The following FAM8A1 variants were observed in gnomAD, a reference collection of about 807,000 sequenced individuals.
FAM8A1 encodes family with sequence similarity 8 member A1.
A neutral mutation model predicts 38.3 loss-of-function variants in FAM8A1; 18 were observed. The ratio of observed to expected loss-of-function variants is 0.47; its 90% confidence interval spans 0.33 to 0.70. FAM8A1 has a LOEUF of 0.70. Among genes scored for constraint, FAM8A1 ranks in the 30% least tolerant of loss-of-function variants. The pLI, the probability that FAM8A1 is intolerant of heterozygous loss-of-function variation, is 0.03. For synonymous variants in FAM8A1, 246 were observed against 234.4 expected (o/e 1.05, Z -0.45); for missense variants, 559 against 559.6 (o/e 1.00, Z 0.01).
intron 4 of FAM8A1, among the ~76,000 whole-genome samples, chr6:17,607,075 A>T (rs924574078): frequency 2.0e-5 from 3 of 152,050 alleles, no homozygotes; most frequent in Non-Finnish European, 4.4e-5. Flanking sequence ...CCTGGCTAAC[A>T]TGGTGAAACC....
At position 17,608,371 on chromosome 6, in the gene FAM8A1, A is replaced by G. The variant is rs764720108; in HGVS notation, c.*32A>G. 6.5e-7 allele frequency: 1 copy of G among 1,537,722 alleles called. No individual in the cohort carries two copies. The highest frequency in any genetic ancestry group is 1.2e-5 in the South Asian group (1 of 86,162). On this transcript the variant is annotated 3_prime_UTR_variant, in exon 5 of 5. Coordinates refer to ENST00000259963, the MANE Select transcript of FAM8A1 (RefSeq NM_016255.3). ...CCAAAACCCTGATTTCCACACACTA[A>G]GACTAAATTATGTATCAAGGCCATC...
chr6:17,600,522 G>GC lies in FAM8A1; in HGVS notation c.118dup (p.Arg40ProfsTer147). The GC allele has an allele frequency of 6.5e-7, 1 of 1,534,282 alleles. No homozygotes were observed. Among genetic ancestry groups the GC allele is most frequent in the Non-Finnish European group, 8.7e-7 (1 of 1,145,020 alleles). ...GGCCCTCCTACCACCGCCGTCCCAT[G>GC]CCCCCGCGACGACCCCCAGGCCGAA... On this transcript the variant is annotated frameshift_variant, in exon 1 of 5. Coordinates refer to ENST00000259963, the MANE Select transcript of FAM8A1 (RefSeq NM_016255.3). LOFTEE classifies it high-confidence loss of function.
In FAM8A1 at chr6:17,600,581, C is replaced by T; in HGVS notation, c.172C>T (p.Leu58Phe). The part of the protein sequence containing the change: ...QAPGRPTAPG[L>F]AAAAAADKLE... ...CCCGGGCCGGCCCACAGCCCCGGGC[C>T]TCGCGGCTGCCGCCGCAGCCGACAA... The change falls in exon 1 of 5, where the codon CTC (leucine) becomes TTC (phenylalanine). Residue 58 changes from leucine to phenylalanine, a missense_variant. Coordinates refer to ENST00000259963, the MANE Select transcript of FAM8A1 (RefSeq NM_016255.3). 6.7e-7 allele frequency: 1 copy of T among 1,492,862 alleles called. No individual in the cohort carries two copies. Among genetic ancestry groups the T allele is most frequent in the South Asian group, 1.3e-5 (1 of 77,834 alleles). The allele number at this position is 1,492,862 out of a possible 1,614,324, so 92.5% of individuals were successfully genotyped here. A position where few individuals can be genotyped will look rare whatever the true frequency, so the allele number is the denominator to read the frequency against.
chr6:17,604,674 C>T (rs1054103830), intron 2 of FAM8A1, among the ~76,000 whole-genome samples: 3 of 151,956 alleles, frequency 2.0e-5, no homozygotes, highest in African/African-American at 4.8e-5. Flanking sequence ...AAGCAGGGAC[C>T]GTGTAAATTC....
In FAM8A1 at chr6:17,601,045, G is replaced by C; in HGVS notation, c.636G>C (p.Ser212=). The C allele has an allele frequency of 6.3e-7, 1 of 1,593,968 alleles. No homozygotes were observed. Among genetic ancestry groups the C allele is most frequent in the South Asian group, 1.1e-5 (1 of 88,272 alleles). ...CCCGGGCTCCTCACGTGCAGGCGTC[G>C]GTCCGGGCCACTCCAGTGACGAGGG... ...LGPRAPHVQA[S]VRATPVTRVG... The change falls in exon 1 of 5, where the codon TCG becomes TCC. Residue 212 remains serine (S), a synonymous_variant. Transcript: ENST00000259963.
intron 4 of FAM8A1, among the ~76,000 whole-genome samples, chr6:17,607,031 T>C (rs1452297455): frequency 6.6e-6 from 1 of 151,960 alleles, no homozygotes; most frequent in African/African-American, 2.4e-5. Context: ...GAGGCTGAGG[T>C]GGGCAGATCA....
chr6:17,600,509 A>ATGCCC lies in FAM8A1; in HGVS notation c.100_101insTGCCC (p.Thr34MetfsTer77). The ATGCCC allele has an allele frequency of 2.6e-6, 4 of 1,531,690 alleles. No individual in the cohort carries two copies. The highest frequency in any genetic ancestry group is 3.5e-6 in the Non-Finnish European group (4 of 1,143,756). The allele number at this position is 1,531,690 out of a possible 1,614,324, so 94.9% of individuals were successfully genotyped here. On this transcript the variant is annotated frameshift_variant, in exon 1 of 5. Transcript: ENST00000259963. LOFTEE classifies it high-confidence loss of function. Reference sequence around the variant, plus strand: ...CCCTTCCCTGAGAGGCCCTCCTACCACCGCCGTCCCATGCCCCCGCGACGA... The same window carrying ATGCCC: ...CCCTTCCCTGAGAGGCCCTCCTACCATGCCCCCGCCGTCCCATGCCCCCGCGACGA...
Position 17,600,784 on chromosome 6 carries a change from C to T in FAM8A1, c.375C>T (p.Tyr125=). ...TGCACGAGTGGCTGTGGCAGTCCTA[C>T]TGCGGCTACCTCACCTGGCACAGCG... ...RQVHEWLWQS[Y]CGYLTWHSGL... The change falls in exon 1 of 5, where the codon TAC becomes TAT. Residue 125 remains tyrosine, a synonymous_variant. Transcript: ENST00000259963. 3 of 1,611,250 alleles carry T rather than the reference C, an allele frequency of 1.9e-6. No individual in the cohort carries two copies. The highest frequency in any genetic ancestry group is 2.2e-5 in the East Asian group (1 of 44,870).
At chr6:17,605,800 TATG>T in intron 3 of FAM8A1, 71 bp from the exon 4 acceptor site, 1 of 1,353,204 alleles carries the variant, frequency 7.4e-7, no homozygotes, top group African/African-American at 1.5e-5. Flanking sequence ...CATGAAATAA[TATG>T]GTGGGAAAAG....
chr6:17,602,748 A>G (rs1581639997), intron 2 of FAM8A1, 38 bp downstream of exon 2: 7 of 1,585,412 alleles, frequency 4.4e-6, no homozygotes, highest in East Asian at 2.3e-5. Context: ...TTTAATTTCT[A>G]CTGTTTAATG....
In FAM8A1 at chr6:17,608,504, C is replaced by G; in HGVS notation, c.*165C>G. ...TTGATTATACTTGAATGCCAAAGAA[C>G]TTGTCCAGAAGAAAAACCTGTTAAA... is the stretch of plus-strand genomic sequence containing the variant. On this transcript the variant is annotated 3_prime_UTR_variant, in exon 5 of 5. Transcript: ENST00000259963. 1.7e-6 allele frequency: 1 copy of G among 586,496 alleles called. No individual in the cohort carries two copies. Among genetic ancestry groups the G allele is most frequent in the East Asian group, 3.9e-5 (1 of 25,626 alleles). 36.3% of individuals were successfully genotyped at this position (586,496 alleles called of 1,614,324 possible). A position where few individuals can be genotyped will look rare whatever the true frequency, so the allele number is the denominator to read the frequency against.
In FAM8A1 at chr6:17,600,731, C is replaced by T. The variant is rs769220653; in HGVS notation, c.322C>T (p.Leu108=). The T allele has an allele frequency of 2.5e-6, 4 of 1,609,548 alleles. No individual in the cohort carries two copies. The African/African-American group carries it at 5.3e-5, about 22-fold the overall frequency. Residue 108 remains leucine (L), a synonymous_variant, in exon 1 of 5, where the codon CTG becomes TTG. Transcript: ENST00000259963. The stretch of plus-strand genomic sequence containing the variant: ...GGCGCCACGAGAGAGACCAGCTCGG[C>T]TGAGCGCCCGCGAGTACTCCCGGCA... ...AAAPRERPAR[L]SAREYSRQVH...
chr6:17,602,313 AGACGT>A lies in FAM8A1; in HGVS notation c.713-274_713-270del, dbSNP rs1315045072. Among the ~76,000 whole-genome samples the A allele has an allele frequency of 3.3e-5, 5 of 152,232 alleles. No individual in the cohort carries two copies. The East Asian group carries it at 9.6e-4, about 29-fold the overall frequency. On this transcript the variant is annotated intron_variant, in intron 1 of 4. Coordinates refer to ENST00000259963, the MANE Select transcript of FAM8A1 (RefSeq NM_016255.3). ...CGGCCTCCTAAAGTGCTGGGATTAC[AGACGT>A]GAGTCACTGCACCTGGCCGTGTGAA...
Position 17,600,554 on chromosome 6 carries a change from G to A in FAM8A1, c.145G>A (p.Ala49Thr), listed in dbSNP as rs1483476324. The A allele has an allele frequency of 6.7e-7, 1 of 1,502,786 alleles. No individual in the cohort carries two copies. The highest frequency in any genetic ancestry group is 2.2e-5 in the Admixed American group (1 of 44,488). 93.1% of individuals were successfully genotyped at this position (1,502,786 alleles called of 1,614,324 possible). The change falls in exon 1 of 5, where the codon GCC (alanine) becomes ACC (threonine). Residue 49 changes from alanine (A) to threonine (T), a missense_variant. Coordinates refer to ENST00000259963, the MANE Select transcript of FAM8A1 (RefSeq NM_016255.3). The stretch of plus-strand genomic sequence containing the variant: ...CGACGACCCCCAGGCCGAACCCCAG[G>A]CCCCGGGCCGGCCCACAGCCCCGGG... ...PRDDPQAEPQAPGRPTAPGLA... is the reference protein window; with the variant it reads ...PRDDPQAEPQTPGRPTAPGLA...
chr6:17,602,790 C>T (rs547152905), intron 2 of FAM8A1, 80 bp downstream of exon 2: 31 of 1,400,320 alleles, frequency 2.2e-5, no homozygotes, highest in African/African-American at 1.3e-4. Context: ...TTTGTCTACA[C>T]GTGACTATAT....
At chr6:17,602,834 A>G (rs1764004805) in intron 2 of FAM8A1, 124 bp downstream of exon 2, 7 of 876,878 alleles carry the variant, frequency 8.0e-6, no homozygotes, top group Middle Eastern at 2.5e-4. Context: ...TGATTTCTTT[A>G]TAAGAGCTTT....
rs1356220045 is a variant in FAM8A1 at position 17,609,513 on chromosome 6, T to TAA, written c.*1176_*1177dup. ...GTCTTTAAGCTCATTTTGGGTCTGC[T>TAA]AAAGTTTGGGGGGAAATGTTACGCA... is the stretch of plus-strand genomic sequence containing the variant. On this transcript the variant is annotated 3_prime_UTR_variant, in exon 5 of 5. Coordinates refer to ENST00000259963, the MANE Select transcript of FAM8A1 (RefSeq NM_016255.3). 1.3e-5 allele frequency: 2 copies of TAA among 152,272 alleles called. No homozygotes were observed. Among genetic ancestry groups the TAA allele is most frequent in the East Asian group, 3.9e-4 (2 of 5,186 alleles). The allele number at this position is 152,272 out of a possible 1,614,324, so 9.4% of individuals were successfully genotyped here. A position where few individuals can be genotyped will look rare whatever the true frequency, so the allele number is the denominator to read the frequency against.
At chr6:17,605,086 C>T (rs986591190) in intron 3 of FAM8A1, 57 bp downstream of exon 3, 1 of 1,505,242 alleles carries the variant, frequency 6.6e-7, no homozygotes, top group Non-Finnish European at 9.0e-7. Context: ...TATGTTTTTA[C>T]ATTTATTTTT....
rs57483080 is a variant in FAM8A1, at chr6:17,602,580, T to A, written c.713-10T>A. Reference sequence around the variant, plus strand: ...GTTTTTCCTAACTTTTTTTTTTTTTTAATTTACAGGCAGAGAATATGTTAT... The same window carrying A: ...GTTTTTCCTAACTTTTTTTTTTTTTAAATTTACAGGCAGAGAATATGTTAT... On this transcript the variant is annotated splice_polypyrimidine_tract_variant and intron_variant, in intron 1 of 4. Transcript: ENST00000259963. 8.7e-4 allele frequency: 1,328 copies of A among 1,535,070 alleles called. 5 individuals carry two copies. In the African/African-American group the frequency reaches 0.018, roughly 20 times the overall value.
Sources: allele counts gnomAD v4.1 joint callset (sites outside exome capture counted in the v4.1 genomes callset), GRCh38; gene constraint gnomAD v4.1.1; transcripts MANE v1.5; gene names NCBI Gene and HGNC (gene_info 2026-07-23, HGNC 2026-07-21).